The following SV2C variants were observed in gnomAD, a reference collection of about 807,000 sequenced individuals.
The protein encoded by SV2C is synaptic vesicle glycoprotein 2C.
SV2C carries 49 observed loss-of-function variants against 79.7 expected under a neutral mutation model. The ratio of observed to expected loss-of-function variants is 0.61; its 90% CI spans 0.49 to 0.78. The LOEUF (loss-of-function observed/expected upper bound fraction) is 0.78, where lower values mean the gene tolerates loss of function less well. SV2C is among the 30% of genes least tolerant of loss of function. The pLI, the probability that SV2C is intolerant of heterozygous loss-of-function variation, is 0.00. For synonymous variants in SV2C, 334 were observed against 333.2 expected, an observed-to-expected ratio of 1.00 and a Z score of -0.03; for missense variants, 833 against 912.9, an observed-to-expected ratio of 0.91 and a Z score of 1.13.
intron 2 of SV2C, among the ~76,000 whole-genome samples, chr5:76,187,706 G>A (rs1248524495): frequency 1.3e-5 from 2 of 149,966 alleles, no homozygotes; most frequent in African/African-American, 4.9e-5. Context: ...TGAGGGATCA[G>A]TTTTAGAAGC....
chr5:76,265,026 T>C (rs1195194748), intron 4 of SV2C, among the ~76,000 whole-genome samples: 1 of 152,186 alleles, frequency 6.6e-6, no homozygotes, highest in Non-Finnish European at 1.5e-5. Flanking sequence ...GGCAGGAACA[T>C]TTATGTCTGC....
At chr5:76,117,722 A>T (rs1043853165) in intron 1 of SV2C, among the ~76,000 whole-genome samples, 8 of 152,272 alleles carry the variant, frequency 5.3e-5, no homozygotes, top group South Asian at 2.1e-4. Context: ...TTAAAAAAAA[A>T]TCCCTTCCTC....
In SV2C at chr5:76,205,134, A is replaced by G. The variant is rs11960670; in HGVS notation, c.762-4602A>G. ...CTAGTATTGAGTCATGTGCAGACCT[A>G]TTGAGGTGTTGTGCGTGTGTGTGTG... On this transcript the variant is annotated intron_variant, in intron 3 of 12. Transcript: ENST00000502798. Among the ~76,000 whole-genome samples the G allele has an allele frequency of 2.3e-3, 349 of 151,070 alleles. 3 individuals are homozygous for G. The highest frequency in any genetic ancestry group is 6.4e-3 in the African/African-American group (263 of 41,282).
At chr5:76,237,969 A>C (rs954576192) in intron 4 of SV2C, among the ~76,000 whole-genome samples, 2 of 136,932 alleles carry the variant, frequency 1.5e-5, no homozygotes, top group Non-Finnish European at 3.1e-5. Flanking sequence ...CCAGAGGACT[A>C]ACACACACAC....
the SV2C span, among the ~76,000 whole-genome samples, chr5:76,048,965 GAGAAAGAAAGAA>G: frequency 0.013 from 756 of 58,188 alleles, 8 homozygotes; most frequent in Admixed American, 0.033. Flanking sequence ...GAAAGAAAAA[GAGAAAGAAAGAA>G]AGAAAGAAAG....
At chr5:76,093,303 T>C (rs1747439744) in intron 1 of SV2C, among the ~76,000 whole-genome samples, 1 of 152,166 alleles carries the variant, frequency 6.6e-6, no homozygotes, top group Admixed American at 6.5e-5. Flanking sequence ...CATTGTTCCC[T>C]GCGCAAGGTC....
the SV2C span, among the ~76,000 whole-genome samples, chr5:75,951,426 T>G: frequency 6.6e-6 from 1 of 151,988 alleles, no homozygotes; most frequent in South Asian, 2.1e-4. Flanking sequence ...CTGCCAGGGC[T>G]TCTTAAGCTA....
At chr5:75,967,745 G>T in the SV2C span, among the ~76,000 whole-genome samples, 1 of 152,246 alleles carries the variant, frequency 6.6e-6, no homozygotes, top group African/African-American at 2.4e-5. Flanking sequence ...ACCTCTGGGG[G>T]CAGGGCACAG....
At chr5:76,198,443 T>G (rs539187000) in intron 3 of SV2C, among the ~76,000 whole-genome samples, 2 of 152,088 alleles carry the variant, frequency 1.3e-5, no homozygotes, top group Non-Finnish European at 2.9e-5. Context: ...CCCTTTGCCC[T>G]CTCTCCTGAG....
intron 12 of SV2C, among the ~76,000 whole-genome samples, chr5:76,352,008 T>C (rs1749651706): frequency 6.6e-6 from 1 of 151,882 alleles, no homozygotes; most frequent in African/African-American, 2.4e-5. Context: ...AGGTCAGGAG[T>C]TCGAGACCAG....
intron 4 of SV2C, chr5:76,241,900 C>T: frequency 1.5e-6 from 1 of 648,908 alleles, no homozygotes; most frequent in East Asian, 2.7e-5. Flanking sequence ...GTGCTAACAA[C>T]ATAGCTTTAA....
At chr5:75,896,264 C>T in the SV2C span, among the ~76,000 whole-genome samples, 4 of 141,976 alleles carry the variant, frequency 2.8e-5, no homozygotes, top group Admixed American at 3.0e-4. Flanking sequence ...CTTCCTGTGT[C>T]CATATGTTCT....
chr5:76,353,799 C>G (rs971173073), exon 13 of SV2C: 1 of 152,146 alleles, frequency 6.6e-6, no homozygotes, highest in Non-Finnish European at 1.5e-5. Context: ...TTAAAATGTC[C>G]CTCTGCCCCA....
the SV2C span, among the ~76,000 whole-genome samples, chr5:76,022,716 T>C: frequency 1.3e-5 from 2 of 152,236 alleles, no homozygotes; most frequent in African/African-American, 2.4e-5. Context: ...ATTTGGTCGA[T>C]AGACATGTTT....
chr5:76,083,953 A>G (rs1430511805), intron 1 of SV2C: 4 of 151,936 alleles, frequency 2.6e-5, no homozygotes. Context: ...ATACCTTCAT[A>G]GCTGCCTTAG....
chr5:76,217,348 T>A (rs1744932937), intron 4 of SV2C, among the ~76,000 whole-genome samples: 2 of 152,190 alleles, frequency 1.3e-5, no homozygotes, highest in African/African-American at 4.8e-5. Context: ...CAGGGAAGGA[T>A]TCCTGATTCC....
intron 2 of SV2C, among the ~76,000 whole-genome samples, chr5:76,164,721 A>AGTGTGTGTGTGTGT (rs10651569): frequency 0.089 from 12,598 of 141,672 alleles, 674 homozygotes; most frequent in East Asian, 0.15. Flanking sequence ...GATGGAACTC[A>AGTGTGTGTGTGTGT]GTGTGTGTGT....
chr5:76,087,686 CA>C (rs2112089610), intron 1 of SV2C, among the ~76,000 whole-genome samples: 1 of 152,306 alleles, frequency 6.6e-6, no homozygotes, highest in East Asian at 1.9e-4. Context: ...AGGGGAACCA[CA>C]TATGCAGATG....
At chr5:76,264,802 C>T (rs1247728566) in intron 4 of SV2C, among the ~76,000 whole-genome samples, 1 of 152,230 alleles carries the variant, frequency 6.6e-6, no homozygotes, top group South Asian at 2.1e-4. Flanking sequence ...GCTCCTTCCT[C>T]TGGAAGGTTC....
Sources: gnomAD v4.1 joint callset for allele counts (sites outside exome capture counted in the v4.1 genomes callset) on GRCh38, gnomAD v4.1.1 for gene constraint, MANE v1.5 for transcripts, NCBI Gene and HGNC (gene_info 2026-07-23, HGNC 2026-07-21) for gene names.